Variants in CDYL2 observed in about 807,000 individuals in gnomAD.
The protein encoded by CDYL2 is chromodomain Y-like protein 2.
Under a neutral mutation model 49.4 loss-of-function variants are expected in CDYL2, and 23 were observed. The observed-to-expected ratio is 0.47, with a 90% CI of 0.34 to 0.66. CDYL2 has a LOEUF of 0.66. CDYL2 is among the 30% of genes least tolerant of loss of function. CDYL2 has a pLI of 0.01. For synonymous variants in CDYL2, 360 were observed against 268.8 expected (o/e 1.34, Z -3.32); for missense variants, 678 against 656.4 (o/e 1.03, Z -0.36).
chr16:80,618,895 T>G (rs1463921794), intron 4 of CDYL2, among the ~76,000 whole-genome samples: 1 of 152,220 alleles, frequency 6.6e-6, no homozygotes, highest in Non-Finnish European at 1.5e-5. Flanking sequence ...AATGATTTCC[T>G]TCCAGGCTGT....
intron 2 of CDYL2, among the ~76,000 whole-genome samples, chr16:80,653,674 G>C (rs568590025): frequency 6.1e-4 from 93 of 152,272 alleles, no homozygotes; most frequent in African/African-American, 2.2e-3. Flanking sequence ...AATTCCTCAA[G>C]CATGTATTCT....
chr16:80,779,197 T>C (rs1907186388), intron 1 of CDYL2, among the ~76,000 whole-genome samples: 1 of 152,014 alleles, frequency 6.6e-6, no homozygotes, highest in Non-Finnish European at 1.5e-5. Context: ...TACTCTCCTT[T>C]AAAAAATCCA....
At chr16:80,681,808 T>C (rs1909977911) in intron 2 of CDYL2, among the ~76,000 whole-genome samples, 1 of 152,190 alleles carries the variant, frequency 6.6e-6, no homozygotes, top group African/African-American at 2.4e-5. Flanking sequence ...TCCAACTTCC[T>C]GGCAAGTTTC....
At chr16:80,679,813 C>T (rs1274705818) in intron 2 of CDYL2, 1 of 455,620 alleles carries the variant, frequency 2.2e-6, no homozygotes, top group Admixed American at 2.4e-5. Flanking sequence ...AGTTCTGAAA[C>T]TGGGCTCACT....
At chr16:80,724,107 G>T (rs2142529386) in intron 1 of CDYL2, among the ~76,000 whole-genome samples, 1 of 148,792 alleles carries the variant, frequency 6.7e-6, no homozygotes, top group African/African-American at 2.5e-5. Context: ...AAAAAGAAGA[G>T]GAAGAGAAAG....
chr16:80,607,184 C>G (rs760732519), intron 6 of CDYL2, among the ~76,000 whole-genome samples: 1 of 152,174 alleles, frequency 6.6e-6, no homozygotes, highest in Non-Finnish European at 1.5e-5. Flanking sequence ...CCACCCCCCA[C>G]CGTCACCCTC....
At chr16:80,755,868 A>G (rs538913304) in intron 1 of CDYL2, among the ~76,000 whole-genome samples, 3 of 152,320 alleles carry the variant, frequency 2.0e-5, no homozygotes, top group African/African-American at 7.2e-5. Context: ...GAGGTAATAC[A>G]TGGGAACTCT....
intron 1 of CDYL2, among the ~76,000 whole-genome samples, chr16:80,743,854 T>C (rs1042880659): frequency 1.3e-5 from 2 of 152,074 alleles, no homozygotes; most frequent in Non-Finnish European, 2.9e-5. Context: ...GAAGAAATGG[T>C]GCTGATAAAG....
chr16:80,667,451 G>C (rs896148646), intron 2 of CDYL2, among the ~76,000 whole-genome samples: 14 of 152,218 alleles, frequency 9.2e-5, no homozygotes, highest in Non-Finnish European at 1.9e-4. Context: ...CATTTTATCA[G>C]ATTCCACTTA....
At chr16:80,655,991 A>T (rs1197772015) in intron 2 of CDYL2, among the ~76,000 whole-genome samples, 1 of 152,246 alleles carries the variant, frequency 6.6e-6, no homozygotes, top group Non-Finnish European at 1.5e-5. Flanking sequence ...CATGGAAATA[A>T]TCCCAGCCCT....
At chr16:80,710,885 A>G (rs929324186) in intron 1 of CDYL2, among the ~76,000 whole-genome samples, 1 of 152,258 alleles carries the variant, frequency 6.6e-6, no homozygotes, top group African/African-American at 2.4e-5. Flanking sequence ...TACCCAGCAC[A>G]GTATTTATTT....
intron 1 of CDYL2, among the ~76,000 whole-genome samples, chr16:80,743,627 T>C (rs758616356): frequency 5.3e-5 from 8 of 152,252 alleles, no homozygotes; most frequent in Non-Finnish European, 8.8e-5. Flanking sequence ...CTTAATTTGT[T>C]GTCATCTTAA....
intron 2 of CDYL2, among the ~76,000 whole-genome samples, chr16:80,660,351 A>G (rs2142433611): frequency 6.6e-6 from 1 of 152,152 alleles, no homozygotes; most frequent in South Asian, 2.1e-4. Context: ...ATGTTCAATG[A>G]CAACTGAAAG....
At chr16:80,783,530 C>G (rs1907338963) in intron 1 of CDYL2, among the ~76,000 whole-genome samples, 1 of 152,140 alleles carries the variant, frequency 6.6e-6, no homozygotes, top group Non-Finnish European at 1.5e-5. Flanking sequence ...AGGACTCAAA[C>G]AGATACTGGT....
intron 2 of CDYL2, among the ~76,000 whole-genome samples, chr16:80,682,166 C>G (rs571793748): frequency 6.6e-6 from 1 of 152,122 alleles, no homozygotes; most frequent in Non-Finnish European, 1.5e-5. Flanking sequence ...CTTAACCTTA[C>G]GGGCACCAGT....
chr16:80,796,240 C>G (rs771514884), intron 1 of CDYL2, among the ~76,000 whole-genome samples: 6 of 152,144 alleles, frequency 3.9e-5, no homozygotes, highest in South Asian at 2.1e-4. Flanking sequence ...AGTTTTGAGG[C>G]CTTTCAACTG....
rs763194077 is a variant in CDYL2 at position 80,712,215 on chromosome 16, A to ATATATATATATATATATATATCTC, written c.25-27087_25-27086insGAGATATATATATATATATATATA. ...TGTATATATATATATATATATATATATCTCCAAACCACTGCTCACTGTGAT... is the reference window on the plus strand; with the variant it reads ...TGTATATATATATATATATATATATATATATATATATATATATATATCTCTCTCCAAACCACTGCTCACTGTGAT... On this transcript the variant is annotated intron_variant, in intron 1 of 6. Coordinates refer to ENST00000570137, the MANE Select transcript of CDYL2 (RefSeq NM_152342.4). Among the ~76,000 whole-genome samples the ATATATATATATATATATATATCTC allele has an allele frequency of 2.6e-3, 333 of 128,304 alleles. 2 individuals carry two copies. The highest frequency in any genetic ancestry group is 4.2e-3 in the Non-Finnish European group (240 of 56,934). The allele number at this position is 128,304 out of a possible 152,430, so 84.2% of individuals were successfully genotyped here. A position where few individuals can be genotyped will look rare whatever the true frequency, so the allele number is the denominator to read the frequency against.
At chr16:80,713,780 T>C (rs1393341340) in intron 1 of CDYL2, among the ~76,000 whole-genome samples, 1 of 152,054 alleles carries the variant, frequency 6.6e-6, no homozygotes, top group East Asian at 1.9e-4. Flanking sequence ...AAAGTGACAT[T>C]CATTTCCACT....
chr16:80,652,499 C>T (rs4889189), intron 2 of CDYL2, among the ~76,000 whole-genome samples: 67,963 of 152,014 alleles, frequency 0.45, 16,582 homozygotes, highest in African/African-American at 0.63. Context: ...AGAAGAATTC[C>T]CGATAGTTTG....
Sources: allele counts gnomAD v4.1 joint callset (sites outside exome capture counted in the v4.1 genomes callset), GRCh38; gene constraint gnomAD v4.1.1; transcripts MANE v1.5; gene names NCBI Gene and HGNC (gene_info 2026-07-23, HGNC 2026-07-21).